Variants in PRR33 observed in about 807,000 individuals in gnomAD.
PRR33 encodes proline rich 33.
PRR33 carries 1 observed loss-of-function variant against 0.5 expected under a neutral mutation model. The observed-to-expected ratio is 2.18, with a 90% CI of 0.77 to 10.34. PRR33 has a LOEUF of 10.34. Ranked by LOEUF, PRR33 falls within the 30% of genes most tolerant of loss-of-function variation. PRR33 has a pLI of 0.13. For synonymous variants in PRR33, 226 were observed against 110.0 expected, an observed-to-expected ratio of 2.06 and a Z score of -6.60; for missense variants, 552 against 251.8, an observed-to-expected ratio of 2.19 and a Z score of -8.07.
the PRR33 span, among the ~76,000 whole-genome samples, chr11:1,905,277 G>A: frequency 6.6e-6 from 1 of 150,634 alleles, no homozygotes; most frequent in South Asian, 2.1e-4. Flanking sequence ...ACAGGCACAC[G>A]CCACCACACC....
At chr11:1,889,103 T>C in exon 1 of PRR33, 1 of 598,174 alleles carries the variant, frequency 1.7e-6, no homozygotes, top group Middle Eastern at 2.8e-4. Flanking sequence ...CCTTCTTCTG[T>C]CCATCCCATG....
exon 1 of PRR33, chr11:1,890,725 A>T: frequency 1.7e-6 from 1 of 605,678 alleles, no homozygotes; most frequent in Non-Finnish European, 2.9e-6. Context: ...CTGAGCACCC[A>T]GAACCTGCCA....
At chr11:1,899,906 T>C in the PRR33 span, among the ~76,000 whole-genome samples, 25 of 152,156 alleles carry the variant, frequency 1.6e-4, no homozygotes, top group African/African-American at 6.0e-4. Flanking sequence ...AATGTTTCAA[T>C]GGCCCATCAA....
chr11:1,917,610 C>T, the PRR33 span, among the ~76,000 whole-genome samples: 1 of 152,232 alleles, frequency 6.6e-6, no homozygotes, highest in Non-Finnish European at 1.5e-5. Context: ...CATCCCGGTC[C>T]GGCCAGATGG....
At chr11:1,906,836 T>A in the PRR33 span, among the ~76,000 whole-genome samples, 71 of 152,218 alleles carry the variant, frequency 4.7e-4, no homozygotes, top group Non-Finnish European at 2.8e-4. Context: ...GATGGCTCAG[T>A]CCCTAATACT....
At chr11:1,889,390 T>C in exon 1 of PRR33, 1 of 699,574 alleles carries the variant, frequency 1.4e-6, no homozygotes, top group East Asian at 2.7e-5. Context: ...TCCCACATCC[T>C]GGAGGTCCGG....
chr11:1,916,821 C>T, the PRR33 span, among the ~76,000 whole-genome samples: 5 of 152,200 alleles, frequency 3.3e-5, no homozygotes, highest in African/African-American at 1.2e-4. Context: ...CCACAGCAAC[C>T]CCATGCCCCT....
At chr11:1,910,516 G>A in the PRR33 span, among the ~76,000 whole-genome samples, 1 of 152,174 alleles carries the variant, frequency 6.6e-6, no homozygotes, top group African/African-American at 2.4e-5. Flanking sequence ...CCAAAGTGTT[G>A]GGATTACAGG....
the PRR33 span, among the ~76,000 whole-genome samples, chr11:1,908,426 A>AT: frequency 6.9e-6 from 1 of 145,490 alleles, no homozygotes; most frequent in East Asian, 2.0e-4. Context: ...CTCCCTACCC[A>AT]TTTTTTTTCT....
chr11:1,889,093 CCTT>C, exon 1 of PRR33: 1 of 592,156 alleles, frequency 1.7e-6, no homozygotes, highest in Non-Finnish European at 3.0e-6. Flanking sequence ...AGCCTCAGCC[CCTT>C]CTTCTGTCCA....
rs574541532 is a variant in PRR33 at position 1,890,446 on chromosome 11, G to C, written c.139C>G (p.Arg47Gly). ...TGTGTGCCTCCCATCATCTTCTTCCGGGCTGCCTTCCTCAGGAGCTTCTGC... is the reference window on the plus strand; with the variant it reads ...TGTGTGCCTCCCATCATCTTCTTCCCGGCTGCCTTCCTCAGGAGCTTCTGC... The change falls in exon 1 of 1, where the codon CGG becomes GGG. Residue 47 changes from arginine (R) to glycine (G), a missense_variant. Arg to Gly is a moderately radical substitution (Grantham distance 125). Transcript: ENST00000640310. The C allele has an allele frequency of 2.5e-5, 18 of 717,290 alleles. No individual in the cohort carries two copies. In the East Asian group the frequency reaches 4.8e-4, roughly 19 times the overall value. The allele number at this position is 717,290 out of a possible 1,614,324, so 44.4% of individuals were successfully genotyped here.
chr11:1,911,566 C>T, the PRR33 span, among the ~76,000 whole-genome samples: 1 of 152,080 alleles, frequency 6.6e-6, no homozygotes, highest in Admixed American at 6.5e-5. Flanking sequence ...CACAGGCACC[C>T]ACCACCACGC....
At chr11:1,894,212 TG>T (rs1403318592), upstream of PRR33, among the ~76,000 whole-genome samples, 1 of 48,640 alleles carries the variant, frequency 2.1e-5, no homozygotes, top group Non-Finnish European at 4.9e-5. Context: ...TTTCCCAGGC[TG>T]GGAGTGTGGG....
chr11:1,897,510 G>T, the PRR33 span, among the ~76,000 whole-genome samples: 7 of 152,220 alleles, frequency 4.6e-5, no homozygotes, highest in Middle Eastern at 3.2e-3. This position sits in a 1 kb window ranked among gnomAD's most constrained non-coding sequence, Gnocchi z 4.0. Context: ...GTTTGATGGT[G>T]TTGCGTTTAG....
At chr11:1,907,583 T>C in the PRR33 span, among the ~76,000 whole-genome samples, 1 of 152,202 alleles carries the variant, frequency 6.6e-6, no homozygotes, top group Non-Finnish European at 1.5e-5. Context: ...GGCTTATTTT[T>C]TTATATTTTT....
the PRR33 span, among the ~76,000 whole-genome samples, chr11:1,897,807 C>G: frequency 6.6e-6 from 1 of 152,120 alleles, no homozygotes; most frequent in Non-Finnish European, 1.5e-5. This position sits in a 1 kb window ranked among gnomAD's most constrained non-coding sequence, Gnocchi z 4.0. Context: ...CATTTAGCAT[C>G]CTACAGATGG....
chr11:1,900,863 C>T, the PRR33 span, among the ~76,000 whole-genome samples: 8 of 152,230 alleles, frequency 5.3e-5, no homozygotes, highest in African/African-American at 1.9e-4. Context: ...TTCTGTCTCT[C>T]TCTTTTTTGG....
the PRR33 span, among the ~76,000 whole-genome samples, chr11:1,916,384 C>T: frequency 2.0e-5 from 3 of 152,098 alleles, no homozygotes; most frequent in African/African-American, 4.8e-5. Context: ...AGCAAAACCT[C>T]GACAGAGCCA....
chr11:1,905,928 C>T, the PRR33 span, among the ~76,000 whole-genome samples: 26 of 151,884 alleles, frequency 1.7e-4, no homozygotes, highest in Non-Finnish European at 3.7e-4. Flanking sequence ...AAGGGATCCA[C>T]CTGCCTCAGC....
Sources: allele counts gnomAD v4.1 joint callset (sites outside exome capture counted in the v4.1 genomes callset), GRCh38; gene constraint gnomAD v4.1.1; non-coding constraint Gnocchi (gnomAD v3.1); transcripts MANE v1.5; gene names NCBI Gene and HGNC (gene_info 2026-07-23, HGNC 2026-07-21).